Variants in CNTNAP2 observed in about 807,000 individuals in gnomAD.
CNTNAP2 encodes contactin associated protein 2, also known as contactin-associated protein-like 2.
A neutral mutation model predicts 155.2 loss-of-function variants in CNTNAP2; 98 were observed. The ratio of observed to expected loss-of-function variants is 0.63; its 90% CI spans 0.54 to 0.75. CNTNAP2 has a LOEUF of 0.75. CNTNAP2 is among the 30% of genes least tolerant of loss of function. The pLI, the probability that CNTNAP2 is intolerant of heterozygous loss-of-function variation, is 0.00. For synonymous variants in CNTNAP2, 651 were observed against 631.2 expected, an observed-to-expected ratio of 1.03 and a Z score of -0.47; for missense variants, 1,727 against 1,688.1, an observed-to-expected ratio of 1.02 and a Z score of -0.40.
At chr7:148,107,571 C>G (rs1389507418) in intron 15 of CNTNAP2, among the ~76,000 whole-genome samples, 1 of 152,114 alleles carries the variant, frequency 6.6e-6, no homozygotes, top group Non-Finnish European at 1.5e-5. Flanking sequence ...TAGAGCTGAA[C>G]AAAGCTCCTC....
chr7:146,458,389 A>G (rs948385052), intron 1 of CNTNAP2, among the ~76,000 whole-genome samples: 1 of 152,174 alleles, frequency 6.6e-6, no homozygotes, highest in African/African-American at 2.4e-5. Flanking sequence ...GTCTATTAAG[A>G]AAAAAATCCC....
chr7:147,738,882 TG>T (rs202218764), intron 13 of CNTNAP2, among the ~76,000 whole-genome samples: 152 of 152,264 alleles, frequency 1.0e-3, no homozygotes, highest in African/African-American at 3.5e-3. Flanking sequence ...CTTGAACTCC[TG>T]ACCTCAACTG....
rs556349307 is a variant in CNTNAP2, at chr7:146,643,677, G to GT, written c.98-130588dup. On this transcript the variant is annotated intron_variant, in intron 1 of 23. Transcript: ENST00000361727. ...TTGGTTCCATATGAACTTTAAAATA[G>GT]TTTTTTCCAATTCTGTGAAGAAAGT... Among the ~76,000 whole-genome samples, 1,215 of 152,254 alleles carry GT rather than the reference G, an allele frequency of 8.0e-3. 12 individuals are homozygous for GT. The highest frequency in any genetic ancestry group is 0.02 in the Middle Eastern group (6 of 294).
At position 147,108,351 on chromosome 7, in the gene CNTNAP2, G is replaced by C; in HGVS notation, c.754+1G>C. 2.5e-6 allele frequency: 4 copies of C among 1,612,352 alleles called. No homozygotes were observed. Among genetic ancestry groups the C allele is most frequent in the Non-Finnish European group, 3.4e-6 (4 of 1,178,888 alleles). ...AAGCTGGTCCTCAGTTTAAACTTAG[G>C]TGTGTTCTGACTGTCAGTTCTATTC... On this transcript the variant is annotated splice_donor_variant, in intron 5 of 23. Transcript: ENST00000361727. LOFTEE classifies it high-confidence loss of function.
Position 147,902,956 on chromosome 7 carries a change from C to T in CNTNAP2, c.2099-609C>T, listed in dbSNP as rs185179468. 3.4e-4 allele frequency among the ~76,000 whole-genome samples: 51 copies of T among 152,010 alleles called. 1 individual carries two copies. The highest frequency in any genetic ancestry group is 1.1e-3 in the African/African-American group (47 of 41,492). ...AACACATGTGTGCAAGTATCTTTTTCGTATAATGACTTCTTTTCCTCTGGG... is the reference window on the plus strand; with the variant it reads ...AACACATGTGTGCAAGTATCTTTTTTGTATAATGACTTCTTTTCCTCTGGG... On this transcript the variant is annotated intron_variant, in intron 13 of 23. Transcript: ENST00000361727.
At chr7:146,593,050 A>G (rs1014434559) in intron 1 of CNTNAP2, among the ~76,000 whole-genome samples, 22 of 152,004 alleles carry the variant, frequency 1.4e-4, no homozygotes, top group African/African-American at 2.4e-4. Context: ...CTCATAAACC[A>G]TAGTAATCCA....
chr7:146,569,185 T>A (rs1391086435), intron 1 of CNTNAP2, among the ~76,000 whole-genome samples: 1 of 151,892 alleles, frequency 6.6e-6, no homozygotes, highest in Non-Finnish European at 1.5e-5. Context: ...CCCGGCTAAT[T>A]TTTTGTATTT....
intron 1 of CNTNAP2, among the ~76,000 whole-genome samples, chr7:146,338,113 G>A (rs1801310858): frequency 6.6e-6 from 1 of 152,164 alleles, no homozygotes; most frequent in African/African-American, 2.4e-5. Flanking sequence ...ACAGATATAT[G>A]GGGGCTGGGG....
intron 1 of CNTNAP2, among the ~76,000 whole-genome samples, chr7:146,503,380 A>G (rs188745876): frequency 6.6e-6 from 1 of 152,168 alleles, no homozygotes; most frequent in South Asian, 2.1e-4. Context: ...AACATTATGA[A>G]ATTTATTGGC....
intron 10 of CNTNAP2, among the ~76,000 whole-genome samples, chr7:147,451,736 G>A (rs1797837124): frequency 6.8e-6 from 1 of 146,902 alleles, no homozygotes; most frequent in Non-Finnish European, 1.5e-5. Flanking sequence ...CTACAAAGAG[G>A]TTGCTATGAT....
At chr7:147,009,830 C>T (rs1798591282) in intron 3 of CNTNAP2, among the ~76,000 whole-genome samples, 1 of 151,992 alleles carries the variant, frequency 6.6e-6, no homozygotes, top group South Asian at 2.1e-4. Flanking sequence ...TCAACAAAAT[C>T]AGTCAGATTC....
chr7:148,293,957 C>A (rs940594945), intron 21 of CNTNAP2, among the ~76,000 whole-genome samples: 11 of 146,612 alleles, frequency 7.5e-5, no homozygotes, highest in South Asian at 4.3e-4. Context: ...ACCGCTTGAA[C>A]CCGGGAGGCA....
chr7:147,736,743 A>G (rs1374665891), intron 13 of CNTNAP2, among the ~76,000 whole-genome samples: 1 of 151,830 alleles, frequency 6.6e-6, no homozygotes, highest in African/African-American at 2.4e-5. Flanking sequence ...TTTTCTCTAA[A>G]CTTCTCTTCT....
chr7:146,647,804 G>C (rs1456809613), intron 1 of CNTNAP2, among the ~76,000 whole-genome samples: 1 of 152,122 alleles, frequency 6.6e-6, no homozygotes, highest in African/African-American at 2.4e-5. Flanking sequence ...CTTTTGATTA[G>C]AGATTTTTAA....
intron 20 of CNTNAP2, among the ~76,000 whole-genome samples, chr7:148,235,741 A>G (rs1305093426): frequency 7.4e-6 from 1 of 135,112 alleles, no homozygotes; most frequent in East Asian, 2.2e-4. Flanking sequence ...GCTGGAGTGC[A>G]GCGGCACGAT....
chr7:147,516,510 G>A (rs1428108974), intron 11 of CNTNAP2, among the ~76,000 whole-genome samples: 1 of 152,058 alleles, frequency 6.6e-6, no homozygotes, highest in Non-Finnish European at 1.5e-5. Flanking sequence ...AAATCTACTT[G>A]GGATAAAGCA....
intron 3 of CNTNAP2, among the ~76,000 whole-genome samples, chr7:146,991,782 C>A (rs1798212179): frequency 6.6e-6 from 1 of 152,142 alleles, no homozygotes; most frequent in Non-Finnish European, 1.5e-5. Flanking sequence ...TCAACACGAT[C>A]ATTTTTTGAA....
intron 18 of CNTNAP2, among the ~76,000 whole-genome samples, chr7:148,176,149 A>T (rs1794930067): frequency 6.7e-6 from 1 of 150,326 alleles, no homozygotes; most frequent in Non-Finnish European, 1.5e-5. Flanking sequence ...AGTCAAAACC[A>T]CACAAGAAGG....
At chr7:146,701,734 T>G (rs1166942590) in intron 1 of CNTNAP2, among the ~76,000 whole-genome samples, 1 of 152,074 alleles carries the variant, frequency 6.6e-6, no homozygotes, top group Non-Finnish European at 1.5e-5. Flanking sequence ...ACATCATCCT[T>G]GAAAATATAT....
Sources: gnomAD v4.1 joint callset for allele counts (sites outside exome capture counted in the v4.1 genomes callset) on GRCh38, gnomAD v4.1.1 for gene constraint, MANE v1.5 for transcripts, NCBI Gene and HGNC (gene_info 2026-07-23, HGNC 2026-07-21) for gene names.